SNX27: variants seen among roughly 807,000 people sequenced by gnomAD.
The protein encoded by SNX27 is sorting nexin 27.
SNX27 carries 22 observed loss-of-function variants against 71.6 expected under a neutral mutation model. The ratio of observed to expected loss-of-function variants is 0.31; its 90% CI spans 0.22 to 0.44. SNX27 has a LOEUF of 0.44. Among genes scored for constraint, SNX27 ranks in the 20% least tolerant of loss-of-function variants. The probability of loss-of-function intolerance (pLI) is 1.00; values close to 1 mark genes in which losing one functional copy is unlikely to be tolerated. For missense variants in SNX27, 531 were observed against 698.6 expected (o/e 0.76, Z 2.70); for synonymous variants, 269 against 277.2 (o/e 0.97, Z 0.29).
intron 8 of SNX27, among the ~76,000 whole-genome samples, chr1:151,691,525 C>T (rs1028213141): frequency 2.8e-5 from 4 of 142,828 alleles, no homozygotes; most frequent in East Asian, 2.2e-4. Flanking sequence ...GGCTGGAGTG[C>T]AGTGGCGCAA....
chr1:151,670,053 C>T (rs531012192), intron 7 of SNX27, among the ~76,000 whole-genome samples: 16 of 152,312 alleles, frequency 1.1e-4, no homozygotes, highest in African/African-American at 2.9e-4. Context: ...CCCCACTACC[C>T]TTCCCAGAGT....
Position 151,651,515 on chromosome 1 carries a change from A to G in SNX27, c.544-6720A>G, listed in dbSNP as rs565505680. On this transcript the variant is annotated intron_variant, in intron 2 of 11. Transcript: ENST00000458013. The stretch of plus-strand genomic sequence containing the variant: ...CGGTTGCCGGGCAGAGGGTCTCCTC[A>G]CTTCTCAGACGGGGCGGCCGGGCAG... 2.4e-3 allele frequency among the ~76,000 whole-genome samples: 346 copies of G among 146,760 alleles called. 2 individuals carry two copies. Among genetic ancestry groups the G allele is most frequent in the African/African-American group, 8.5e-3 (336 of 39,614 alleles).
intron 2 of SNX27, among the ~76,000 whole-genome samples, chr1:151,645,833 T>C (rs993599393): frequency 6.6e-6 from 1 of 152,234 alleles, no homozygotes; most frequent in African/African-American, 2.4e-5. Context: ...GCATCATTGC[T>C]CCATGTTTTG....
At position 151,612,055 on chromosome 1, in the gene SNX27, G is replaced by A. The variant is rs1220325042; in HGVS notation, c.-147G>A. On this transcript the variant is annotated 5_prime_UTR_variant, in exon 1 of 12. Transcript: ENST00000458013. This position sits in a 1 kb window ranked among gnomAD's most constrained non-coding sequence, Gnocchi z 5.2. The stretch of plus-strand genomic sequence containing the variant: ...CCGCCCCCTGCCTCCTCTTCACCCC[G>A]CGCCAGCAGCTCGGTGGCCGAGTCG... 20 of 891,010 alleles carry A rather than the reference G, an allele frequency of 2.2e-5. No homozygotes were observed. Among genetic ancestry groups the A allele is most frequent in the Non-Finnish European group, 3.0e-5 (20 of 659,254 alleles). 55.2% of individuals were successfully genotyped at this position (891,010 alleles called of 1,614,324 possible).
At chr1:151,691,407 G>T (rs565397092) in intron 8 of SNX27, among the ~76,000 whole-genome samples, 33 of 151,630 alleles carry the variant, frequency 2.2e-4, no homozygotes, top group Non-Finnish European at 4.1e-4. Context: ...TTCTAGCCCT[G>T]TGAGTCCTGG....
chr1:151,670,646 G>A (rs557926406), intron 7 of SNX27, among the ~76,000 whole-genome samples: 1 of 151,288 alleles, frequency 6.6e-6, no homozygotes, highest in East Asian at 1.9e-4. Flanking sequence ...TTTTTTTCCT[G>A]TTGAGTTGTT....
At chr1:151,684,557 T>A (rs897488771) in intron 8 of SNX27, among the ~76,000 whole-genome samples, 3 of 152,242 alleles carry the variant, frequency 2.0e-5, no homozygotes, top group Non-Finnish European at 4.4e-5. Flanking sequence ...ATAACATTTT[T>A]AAATTTCTCT....
intron 2 of SNX27, among the ~76,000 whole-genome samples, chr1:151,652,686 C>T (rs1184218307): frequency 1.3e-5 from 2 of 152,104 alleles, no homozygotes; most frequent in South Asian, 2.1e-4. Flanking sequence ...GCTGGAATTA[C>T]AGGCGTGAGC....
chr1:151,652,509 C>T (rs921644597), intron 2 of SNX27, among the ~76,000 whole-genome samples: 4 of 148,868 alleles, frequency 2.7e-5, no homozygotes, highest in African/African-American at 9.9e-5. Context: ...CCCAAGTTCA[C>T]GCAATTCTCC....
chr1:151,690,481 ATTG>A (rs1671386998), intron 8 of SNX27, among the ~76,000 whole-genome samples: 1 of 151,784 alleles, frequency 6.6e-6, no homozygotes, highest in South Asian at 2.1e-4. Flanking sequence ...TTATTTTGAG[ATTG>A]CAGTGGTGCA....
intron 1 of SNX27, among the ~76,000 whole-genome samples, chr1:151,618,707 A>T (rs1026932738): frequency 1.3e-5 from 2 of 152,248 alleles, no homozygotes; most frequent in Non-Finnish European, 2.9e-5. Flanking sequence ...TTAACAATTT[A>T]TGATCACTGC....
chr1:151,659,279 T>C (rs1418786757), intron 3 of SNX27, among the ~76,000 whole-genome samples: 23 of 151,946 alleles, frequency 1.5e-4, no homozygotes, highest in Admixed American at 1.5e-3. Context: ...ACAGAGTCTC[T>C]CTCTGTTGCC....
At chr1:151,672,591 T>A (rs1478511695) in intron 7 of SNX27, among the ~76,000 whole-genome samples, 1 of 152,186 alleles carries the variant, frequency 6.6e-6, no homozygotes, top group Non-Finnish European at 1.5e-5. Flanking sequence ...TTTAAATGTC[T>A]GATAGAATTT....
intron 1 of SNX27, among the ~76,000 whole-genome samples, chr1:151,630,923 T>G (rs1290800372): frequency 1.3e-5 from 2 of 152,100 alleles, no homozygotes; most frequent in Non-Finnish European, 2.9e-5. Context: ...TTCCAGCTAC[T>G]CGGGAGGCTG....
At chr1:151,615,514 C>A in intron 1 of SNX27, 1 of 171,468 alleles carries the variant, frequency 5.8e-6, no homozygotes, top group Non-Finnish European at 1.2e-5. Context: ...TTTCCTAAAG[C>A]ATTTTTTAGG....
chr1:151,622,432 T>C (rs1667717173), intron 1 of SNX27, among the ~76,000 whole-genome samples: 2 of 152,342 alleles, frequency 1.3e-5, no homozygotes, highest in South Asian at 4.1e-4. Context: ...AATTACATTA[T>C]GTAGTAATTC....
Position 151,612,405 on chromosome 1 carries a change from G to A in SNX27, c.204G>A (p.Arg68=). 1 of 1,519,680 alleles carries A rather than the reference G, an allele frequency of 6.6e-7. No homozygotes were observed. Among genetic ancestry groups the A allele is most frequent in the Non-Finnish European group, 8.8e-7 (1 of 1,136,144 alleles). 94.1% of individuals were successfully genotyped at this position (1,519,680 alleles called of 1,614,324 possible). A position where few individuals can be genotyped will look rare whatever the true frequency, so the allele number is the denominator to read the frequency against. Residue 68 remains arginine, a synonymous_variant, in exon 1 of 12, where the codon CGG becomes CGA. Coordinates refer to ENST00000458013, the MANE Select transcript of SNX27 (RefSeq NM_001330723.2). This position sits in a 1 kb window ranked among gnomAD's most constrained non-coding sequence, Gnocchi z 5.2. ...RGQVSEGGQL[R]SINGELYAPL... is the part of the protein sequence containing the mutation. ...AAGTGAGCGAGGGCGGGCAACTGCG[G>A]AGCATCAACGGGGAGCTGTACGCGC...
chr1:151,641,640 C>CATATATATATCATATGTATCAG (rs1668745379), intron 2 of SNX27, among the ~76,000 whole-genome samples: 4 of 80,074 alleles, frequency 5.0e-5, no homozygotes, highest in African/African-American at 1.7e-4. Flanking sequence ...TCATATGTAT[C>CATATATATATCATATGTATCAG]ATATATATAT....
At chr1:151,657,310 C>A (rs146167878) in intron 2 of SNX27, among the ~76,000 whole-genome samples, 1 of 152,076 alleles carries the variant, frequency 6.6e-6, no homozygotes, top group East Asian at 1.9e-4. Context: ...GGACTACAGG[C>A]GCATGCCACC....
Sources: gnomAD v4.1 joint callset for allele counts (sites outside exome capture counted in the v4.1 genomes callset) on GRCh38, gnomAD v4.1.1 for gene constraint, Gnocchi (gnomAD v3.1) non-coding constraint, MANE v1.5 for transcripts, NCBI Gene and HGNC (gene_info 2026-07-23, HGNC 2026-07-21) for gene names.